The following TTC12 variants were observed in gnomAD, a reference collection of about 807,000 sequenced individuals.
TTC12 encodes tetratricopeptide repeat domain 12.
A neutral mutation model predicts 90.1 loss-of-function variants in TTC12; 70 were observed. The observed-to-expected ratio is 0.78, with a 90% confidence interval of 0.64 to 0.95. TTC12 has a LOEUF of 0.95. TTC12 is among the 40% of genes least tolerant of loss of function. The pLI, the probability that TTC12 is intolerant of heterozygous loss-of-function variation, is 0.00. For synonymous variants in TTC12, 296 were observed against 311.5 expected, an observed-to-expected ratio of 0.95 and a Z score of 0.53; for missense variants, 819 against 846.1, an observed-to-expected ratio of 0.97 and a Z score of 0.40.
At chr11:113,345,118 AGTTTG>A (rs2138012380) in intron 13 of TTC12, among the ~76,000 whole-genome samples, 1 of 152,280 alleles carries the variant, frequency 6.6e-6, no homozygotes, top group East Asian at 1.9e-4. Context: ...TTACATGATT[AGTTTG>A]AACATATGAA....
At chr11:113,357,306 C>CAT (rs1425782741) in intron 16 of TTC12, among the ~76,000 whole-genome samples, 5 of 151,930 alleles carry the variant, frequency 3.3e-5, no homozygotes, top group African/African-American at 1.2e-4. Flanking sequence ...CTGTACTGAC[C>CAT]ATTTTCTCTG....
intron 13 of TTC12, among the ~76,000 whole-genome samples, chr11:113,345,755 C>G (rs1287651494): frequency 8.5e-5 from 13 of 152,250 alleles, no homozygotes; most frequent in East Asian, 3.9e-4. Flanking sequence ...GTCATTTCCT[C>G]GATACCTTCA....
intron 18 of TTC12, among the ~76,000 whole-genome samples, chr11:113,360,699 A>C (rs1949879648): frequency 6.6e-6 from 1 of 152,170 alleles, no homozygotes; most frequent in Admixed American, 6.5e-5. Context: ...TGGCTAGGGA[A>C]GCAATTAGGG....
At chr11:113,324,551 T>G in intron 4 of TTC12, 54 bp from the exon 5 acceptor site, 1 of 1,480,486 alleles carries the variant, frequency 6.8e-7, no homozygotes, top group East Asian at 2.3e-5. Context: ...GCTAAAGAAC[T>G]GATTATAGTA....
chr11:113,350,055 T>C lies in TTC12; in HGVS notation c.1155-18T>C, dbSNP rs1555149493. ...GTTGGAGGACAGCTACCTCTGAGGT[T>C]ATTATGGTTTTTTGCAGATTATTGG... On this transcript the variant is annotated intron_variant, in intron 13 of 21. Transcript: ENST00000529221. 1.2e-6 allele frequency: 2 copies of C among 1,605,330 alleles called. No individual in the cohort carries two copies. Among genetic ancestry groups the C allele is most frequent in the Non-Finnish European group, 1.7e-6 (2 of 1,172,256 alleles).
intron 21 of TTC12, among the ~76,000 whole-genome samples, chr11:113,371,842 T>C (rs1389286352): frequency 6.6e-6 from 1 of 152,170 alleles, no homozygotes; most frequent in Non-Finnish European, 1.5e-5. Flanking sequence ...AGGGGAGATA[T>C]GATACCCACT....
rs544279642 is a variant in TTC12, at chr11:113,317,050, G to T, written c.58+735G>T. Among the ~76,000 whole-genome samples, 4 of 152,348 alleles carry T rather than the reference G, an allele frequency of 2.6e-5. No individual in the cohort carries two copies. The East Asian group carries it at 7.7e-4, about 29-fold the overall frequency. ...TTTTAAAGCTAGCTTGGGTGACATC[G>T]TAAATGATACATGAATAATGCTTAT... On this transcript the variant is annotated intron_variant, in intron 2 of 21. Transcript: ENST00000529221.
Position 113,366,309 on chromosome 11 carries a change from G to C in TTC12, c.*9G>C, listed in dbSNP as rs781235454. The C allele has an allele frequency of 1.2e-6, 2 of 1,613,282 alleles. No homozygotes were observed. The highest frequency in any genetic ancestry group is 1.7e-6 in the Non-Finnish European group (2 of 1,180,016). On this transcript the variant is annotated 3_prime_UTR_variant, in exon 22 of 22. Coordinates refer to ENST00000529221, the MANE Select transcript of TTC12 (RefSeq NM_017868.4). ...ACATCAGTGATTCTTGAGAGAGACA[G>C]GGTTTGTGTGCATTTGGGGAACACA...
chr11:113,350,938 G>A (rs184328489), intron 14 of TTC12, among the ~76,000 whole-genome samples: 87 of 152,370 alleles, frequency 5.7e-4, no homozygotes, highest in African/African-American at 2.1e-3. Flanking sequence ...TGTAGACTCA[G>A]AGCAGGGGTT....
rs561826023 is a variant in TTC12 at position 113,365,491 on chromosome 11, G to A, written c.2042+431G>A. ...TTCTTTGCCTCAGCCTAAACAAATG[G>A]AGGAACGGCCAGCAAGGGTCACATG... On this transcript the variant is annotated intron_variant, in intron 21 of 21. Transcript: ENST00000529221. 10 of 211,124 alleles carry A rather than the reference G, an allele frequency of 4.7e-5. No individual in the cohort carries two copies. The South Asian group carries it at 9.2e-4, about 19-fold the overall frequency. 13.1% of individuals were successfully genotyped at this position (211,124 alleles called of 1,614,324 possible). A position where few individuals can be genotyped will look rare whatever the true frequency, so the allele number is the denominator to read the frequency against.
intron 6 of TTC12, among the ~76,000 whole-genome samples, chr11:113,326,715 G>T (rs1380229167): frequency 1.3e-5 from 2 of 152,176 alleles, no homozygotes; most frequent in Non-Finnish European, 2.9e-5. Flanking sequence ...CAATTTTGGA[G>T]AAAACTTGTT....
intron 19 of TTC12, 38 bp downstream of exon 19, chr11:113,362,540 C>A: frequency 7.5e-7 from 1 of 1,325,032 alleles, no homozygotes; most frequent in Non-Finnish European, 1.1e-6. Context: ...CTGAAATGTA[C>A]AGAAGTCTCC....
chr11:113,341,925 G>A lies in TTC12; in HGVS notation c.985G>A (p.Glu329Lys), dbSNP rs45469595. 1.2e-5 allele frequency: 20 copies of A among 1,612,906 alleles called. 1 individual carries two copies. The highest frequency in any genetic ancestry group is 6.6e-5 in the South Asian group (6 of 91,044). Residue 329 changes from glutamate to lysine, a missense_variant and splice_region_variant, in exon 12 of 22, where the codon GAG becomes AAG. Glu to Lys is a moderately conservative substitution (Grantham distance 56). Coordinates refer to ENST00000529221, the MANE Select transcript of TTC12 (RefSeq NM_017868.4). Reference sequence around the variant, plus strand: ...CTGGCAAGCAGTGTGCAGCAGGAACGGTAAGCCTGGGTAATCACCGTTGAT... The same window carrying A: ...CTGGCAAGCAGTGTGCAGCAGGAACAGTAAGCCTGGGTAATCACCGTTGAT... The part of the protein sequence containing the change: ...KLWQAVCSRN[E>K]ENQRVLVIHH...
intron 16 of TTC12, among the ~76,000 whole-genome samples, chr11:113,355,155 G>T: frequency 6.6e-6 from 1 of 152,070 alleles, no homozygotes; most frequent in East Asian, 1.9e-4. Context: ...GGTTTGTTCA[G>T]GGATTCAATT....
At chr11:113,352,823 T>C (rs1041235117) in intron 16 of TTC12, among the ~76,000 whole-genome samples, 3 of 152,250 alleles carry the variant, frequency 2.0e-5, no homozygotes, top group Non-Finnish European at 4.4e-5. Context: ...GTGGTGTATA[T>C]GTACCACATT....
chr11:113,322,125 T>C (rs1337658014), intron 2 of TTC12, among the ~76,000 whole-genome samples: 4 of 152,240 alleles, frequency 2.6e-5, no homozygotes, highest in Admixed American at 2.6e-4. Context: ...ACTTTCGGTA[T>C]GCTTGAAATA....
chr11:113,338,628 T>G (rs1555144813), intron 8 of TTC12, 146 bp from the exon 9 acceptor site: 3 of 542,146 alleles, frequency 5.5e-6, no homozygotes, highest in Non-Finnish European at 1.0e-5. Flanking sequence ...CAAATGCACA[T>G]TGTGTTCCTA....
chr11:113,356,064 G>C (rs762416560), intron 16 of TTC12, among the ~76,000 whole-genome samples: 144 of 152,314 alleles, frequency 9.5e-4, no homozygotes, highest in Non-Finnish European at 1.5e-3. Flanking sequence ...ATTATTGTGT[G>C]TCAGACTAAG....
chr11:113,358,473 C>T (rs1565623027), intron 16 of TTC12, among the ~76,000 whole-genome samples: 2 of 152,168 alleles, frequency 1.3e-5, no homozygotes. Flanking sequence ...GCTCAGCAAG[C>T]AGGTGTGGCC....
Sources: gnomAD v4.1 joint callset for allele counts (sites outside exome capture counted in the v4.1 genomes callset) on GRCh38, gnomAD v4.1.1 for gene constraint, MANE v1.5 for transcripts, NCBI Gene and HGNC (gene_info 2026-07-23, HGNC 2026-07-21) for gene names.